SRGAP2B: variants seen among roughly 807,000 people sequenced by gnomAD.
The protein encoded by SRGAP2B is SLIT-ROBO Rho GTPase-activating protein 2B.
In SRGAP2B, 9 loss-of-function variants were observed where a neutral mutation model predicts 22.2. The ratio of observed to expected loss-of-function variants is 0.41; its 90% confidence interval spans 0.24 to 0.71. The LOEUF is 0.71. Among genes scored for constraint, SRGAP2B ranks in the 30% least tolerant of loss-of-function variants. The pLI is 0.35. For synonymous variants in SRGAP2B, 36 were observed against 87.4 expected (o/e 0.41, Z 3.28); for missense variants, 114 against 235.8 (o/e 0.48, Z 3.38).
chr1:145,014,730 TA>T (rs1269029803), intron 2 of SRGAP2B, among the ~76,000 whole-genome samples: 2 of 113,888 alleles, frequency 1.8e-5, no homozygotes, highest in Non-Finnish European at 3.5e-5. Flanking sequence ...CTCTTATTTT[TA>T]AAAAATGTGT....
At chr1:145,022,945 T>A (rs1293003695) in intron 2 of SRGAP2B, among the ~76,000 whole-genome samples, 3 of 149,478 alleles carry the variant, frequency 2.0e-5, no homozygotes, top group African/African-American at 7.6e-5. Flanking sequence ...GGCTGGTGGA[T>A]CACGAGGTCA....
At chr1:145,022,350 C>A (rs1360743185) in intron 2 of SRGAP2B, among the ~76,000 whole-genome samples, 4 of 63,118 alleles carry the variant, frequency 6.3e-5, no homozygotes, top group Non-Finnish European at 5.7e-5. Flanking sequence ...CACACAAAAA[C>A]AACAACCAAG....
Position 144,969,617 on chromosome 1 carries a change from T to C in SRGAP2B, c.261-14016A>G, listed in dbSNP as rs1248563437. Among the ~76,000 whole-genome samples, 5 of 148,858 alleles carry C rather than the reference T, an allele frequency of 3.4e-5. 1 individual carries two copies. The highest frequency in any genetic ancestry group is 1.3e-4 in the African/African-American group (5 of 39,220). The stretch of plus-strand genomic sequence containing the variant: ...TTCATGTCCAAAACACCAAAAGCAA[T>C]GGCAACAAAAGCCAAAATTGACAAA... On this transcript the variant is annotated intron_variant, in intron 3 of 9. Coordinates refer to ENST00000612199, the Ensembl canonical transcript of SRGAP2B.
chr1:145,025,892 C>T (rs1647670999), intron 2 of SRGAP2B, among the ~76,000 whole-genome samples: 1 of 151,540 alleles, frequency 6.6e-6, no homozygotes, highest in African/African-American at 2.4e-5. Flanking sequence ...CAGCAGAGCA[C>T]TATCCTGAAC....
rs58585545 is a variant in SRGAP2B, at chr1:144,989,303, AT to A, written c.260+5704del. Among the ~76,000 whole-genome samples, 127 of 49,300 alleles carry A rather than the reference AT, an allele frequency of 2.6e-3. 4 individuals are homozygous for A. In the East Asian group the frequency reaches 0.034, roughly 13 times the overall value. 32.3% of individuals were successfully genotyped at this position (49,300 alleles called of 152,430 possible). ...TAGCTCTTTTCCCTGTTAACCAGGGATTTTTTTTTTTTTTTAGACACAGGGT... is the reference window on the plus strand; with the variant it reads ...TAGCTCTTTTCCCTGTTAACCAGGGATTTTTTTTTTTTTTAGACACAGGGT... On this transcript the variant is annotated intron_variant, in intron 3 of 9. Coordinates refer to ENST00000612199, the Ensembl canonical transcript of SRGAP2B.
chr1:144,941,150 C>T (rs1666011994), intron 4 of SRGAP2B, among the ~76,000 whole-genome samples: 1 of 142,780 alleles, frequency 7.0e-6, no homozygotes, highest in Non-Finnish European at 1.5e-5. Context: ...TTTTTCTTTT[C>T]TTTCATAGCC....
At chr1:145,084,407 T>TA (rs1202803197) in intron 2 of SRGAP2B, among the ~76,000 whole-genome samples, 4 of 136,178 alleles carry the variant, frequency 2.9e-5, no homozygotes, top group South Asian at 5.7e-4. Context: ...ACGTAGAACT[T>TA]AGACTCTGGC....
intron 2 of SRGAP2B, among the ~76,000 whole-genome samples, chr1:145,023,008 T>C (rs1647318936): frequency 6.7e-6 from 1 of 149,456 alleles, no homozygotes; most frequent in East Asian, 1.9e-4. Flanking sequence ...CTACTAAAAA[T>C]ACAAAAATTA....
chr1:144,920,237 T>G (rs1393345581), intron 4 of SRGAP2B, among the ~76,000 whole-genome samples: 1 of 150,962 alleles, frequency 6.6e-6, no homozygotes, highest in Non-Finnish European at 1.5e-5. Context: ...CACTATGATA[T>G]TTCCTATTTT....
At chr1:144,944,254 A>T (rs1279518303) in intron 4 of SRGAP2B, among the ~76,000 whole-genome samples, 1 of 150,662 alleles carries the variant, frequency 6.6e-6, no homozygotes, top group Non-Finnish European at 1.5e-5. Flanking sequence ...CAAGAGGAAA[A>T]TCAATAAACA....
intron 2 of SRGAP2B, among the ~76,000 whole-genome samples, chr1:145,076,606 A>T (rs587625286): frequency 1.4e-5 from 2 of 146,950 alleles, no homozygotes; most frequent in African/African-American, 5.4e-5. Context: ...TGAAATGACA[A>T]TATTATAAAC....
At chr1:145,038,418 C>T (rs1179241971) in intron 2 of SRGAP2B, among the ~76,000 whole-genome samples, 3 of 133,264 alleles carry the variant, frequency 2.3e-5, no homozygotes, top group African/African-American at 9.8e-5. Context: ...GGAAATAATA[C>T]TCGTCAACAT....
At chr1:144,917,557 AGGAG>A (rs1553603923) in intron 4 of SRGAP2B, among the ~76,000 whole-genome samples, 1 of 144,188 alleles carries the variant, frequency 6.9e-6, no homozygotes, top group African/African-American at 2.9e-5. Context: ...GGGGAAGAAG[AGGAG>A]GGAAAAGTGT....
At chr1:145,070,033 CTT>C (rs372504712) in intron 2 of SRGAP2B, among the ~76,000 whole-genome samples, 2 of 141,506 alleles carry the variant, frequency 1.4e-5, no homozygotes, top group Admixed American at 7.1e-5. Context: ...GGAATGTCAT[CTT>C]TTTTTTTTTT....
intron 2 of SRGAP2B, among the ~76,000 whole-genome samples, chr1:145,045,352 G>A (rs1215642325): frequency 1.4e-5 from 2 of 144,352 alleles, no homozygotes; most frequent in Non-Finnish European, 3.0e-5. Flanking sequence ...AGAGAGTGAA[G>A]GAAGTGAGGG....
intron 4 of SRGAP2B, among the ~76,000 whole-genome samples, chr1:144,944,422 C>G (rs1341321625): frequency 6.7e-6 from 1 of 148,514 alleles, no homozygotes; most frequent in African/African-American, 2.6e-5. Flanking sequence ...ACAGCGAGAC[C>G]CCATCTCTAA....
intron 4 of SRGAP2B, among the ~76,000 whole-genome samples, chr1:144,928,921 G>A (rs1664972433): frequency 6.7e-6 from 1 of 149,908 alleles, no homozygotes; most frequent in Non-Finnish European, 1.5e-5. Flanking sequence ...AATCTCACCA[G>A]CAATGTATGA....
At position 144,931,420 on chromosome 1, in the gene SRGAP2B, A is replaced by G. The variant is rs587602847; in HGVS notation, c.424-16666T>C. ...GTAAGCACCTAATAATTACAGAGCGAAGATAGGGGGAAGAAAGGCCATAAA... is the reference window on the plus strand; with the variant it reads ...GTAAGCACCTAATAATTACAGAGCGGAGATAGGGGGAAGAAAGGCCATAAA... On this transcript the variant is annotated intron_variant, in intron 4 of 9. Coordinates refer to ENST00000612199, the Ensembl canonical transcript of SRGAP2B. Among the ~76,000 whole-genome samples the G allele has an allele frequency of 6.6e-5, 10 of 150,832 alleles. No individual in the cohort carries two copies. In the South Asian group the frequency reaches 1.9e-3, roughly 28 times the overall value.
chr1:144,956,652 T>G (rs1258718671), intron 3 of SRGAP2B, among the ~76,000 whole-genome samples: 3 of 148,348 alleles, frequency 2.0e-5, no homozygotes, highest in African/African-American at 7.7e-5. Flanking sequence ...TTCACCATGT[T>G]GACCATGCTG....
Sources: gnomAD v4.1 joint callset for allele counts (sites outside exome capture counted in the v4.1 genomes callset) on GRCh38, gnomAD v4.1.1 for gene constraint, MANE v1.5 for transcripts, NCBI Gene and HGNC (gene_info 2026-07-23, HGNC 2026-07-21) for gene names.